TBC1D5: variants seen among roughly 807,000 people sequenced by gnomAD.
The protein encoded by TBC1D5 is TBC1 domain family member 5, also known as TBC1 domain family, member 5.
In TBC1D5, 75 loss-of-function variants were observed where a neutral mutation model predicts 100.3. That is an observed-to-expected ratio of 0.75 (90% CI 0.62 to 0.91). TBC1D5 has a LOEUF of 0.91. TBC1D5 is among the 40% of genes least tolerant of loss of function. The probability of loss-of-function intolerance (pLI) is 0.00; values close to 1 mark genes in which losing one functional copy is unlikely to be tolerated. For synonymous variants in TBC1D5, 323 were observed against 325.6 expected (o/e 0.99, Z 0.09); for missense variants, 910 against 942.4 (o/e 0.97, Z 0.45).
At chr3:17,345,734 G>A (rs1464957186) in intron 13 of TBC1D5, among the ~76,000 whole-genome samples, 5 of 152,254 alleles carry the variant, frequency 3.3e-5, no homozygotes, top group Admixed American at 2.6e-4. Context: ...GGAATACTAT[G>A]CAGCCATAAA....
At chr3:17,663,453 A>C (rs1180187041) in intron 1 of TBC1D5, among the ~76,000 whole-genome samples, 1 of 152,124 alleles carries the variant, frequency 6.6e-6, no homozygotes, top group African/African-American at 2.4e-5. Context: ...TGGTATTAAG[A>C]AGTGAATTAT....
chr3:17,262,805 C>T (rs538081367), intron 15 of TBC1D5, among the ~76,000 whole-genome samples: 10 of 151,552 alleles, frequency 6.6e-5, no homozygotes, highest in East Asian at 5.8e-4. Flanking sequence ...TTTTTAAATG[C>T]GTTTGTTTTG....
intron 3 of TBC1D5, among the ~76,000 whole-genome samples, chr3:17,473,826 C>G (rs1296642879): frequency 3.3e-5 from 5 of 151,456 alleles, no homozygotes; most frequent in Admixed American, 1.3e-4. Flanking sequence ...TGAATTTCTA[C>G]TTATAATTAC....
intron 3 of TBC1D5, among the ~76,000 whole-genome samples, chr3:17,447,070 C>A (rs1184221357): frequency 1.3e-5 from 2 of 151,794 alleles, no homozygotes; most frequent in Admixed American, 1.3e-4. Flanking sequence ...AGGAGGAAGT[C>A]AAGAATTTAG....
In TBC1D5 at chr3:17,337,123, G is replaced by GTTTTTTTTTTTTTTTTTTT. The variant is rs11328091; in HGVS notation, c.996-29008_996-28990dup. Among the ~76,000 whole-genome samples the GTTTTTTTTTTTTTTTTTTT allele has an allele frequency of 4.3e-4, 50 of 116,128 alleles. 2 individuals are homozygous for GTTTTTTTTTTTTTTTTTTT. Among genetic ancestry groups the GTTTTTTTTTTTTTTTTTTT allele is most frequent in the African/African-American group, 1.7e-3 (47 of 28,458 alleles). 76.2% of individuals were successfully genotyped at this position (116,128 alleles called of 152,430 possible). On this transcript the variant is annotated intron_variant, in intron 13 of 21. Coordinates refer to ENST00000253692, the Ensembl canonical transcript of TBC1D5. Reference sequence around the variant, plus strand: ...AGCTTGCACCAAAATTATCTGAGAGGTTTTTTTTTTTTTTTTTTTTTTAAG... The same window carrying GTTTTTTTTTTTTTTTTTTT: ...AGCTTGCACCAAAATTATCTGAGAGGTTTTTTTTTTTTTTTTTTTTTTTTTTTTTTTTTTTTTTTTTAAG...
intron 2 of TBC1D5, among the ~76,000 whole-genome samples, chr3:17,544,116 C>A (rs917515925): frequency 6.6e-5 from 10 of 152,122 alleles, no homozygotes; most frequent in African/African-American, 1.7e-4. Context: ...GATCCGCCTA[C>A]CTCAGCCTCC....
At chr3:17,600,026 C>T (rs1017256618) in intron 2 of TBC1D5, among the ~76,000 whole-genome samples, 2 of 152,136 alleles carry the variant, frequency 1.3e-5, no homozygotes, top group African/African-American at 2.4e-5. Flanking sequence ...ACTTTTATAA[C>T]GGTAAATAAT....
At position 17,362,928 on chromosome 3, in the gene TBC1D5, C is replaced by T. The variant is rs918345619; in HGVS notation, c.995+9147G>A. On this transcript the variant is annotated intron_variant, in intron 13 of 21. Coordinates refer to ENST00000253692, the Ensembl canonical transcript of TBC1D5. Reference sequence around the variant, plus strand: ...CCAATGTCACTACCATGATATGTTCCATTACCATAAAGATCCTTTCCATGC... The same window carrying T: ...CCAATGTCACTACCATGATATGTTCTATTACCATAAAGATCCTTTCCATGC... Among the ~76,000 whole-genome samples, 3 of 152,130 alleles carry T rather than the reference C, an allele frequency of 2.0e-5. No homozygotes were observed. In the South Asian group the frequency reaches 6.2e-4, roughly 32 times the overall value.
At position 17,570,003 on chromosome 3, in the gene TBC1D5, GT is replaced by G. The variant is rs200317450; in HGVS notation, c.-36+53845del. Among the ~76,000 whole-genome samples the G allele has an allele frequency of 6.6e-5, 10 of 151,892 alleles. No individual in the cohort carries two copies. In the East Asian group the frequency reaches 1.9e-3, roughly 29 times the overall value. ...ATATTTTAAAAGGTACATCAAAAGTGTTTTTTACAGGTACTAGAAAGTCAGA... is the reference window on the plus strand; with the variant it reads ...ATATTTTAAAAGGTACATCAAAAGTGTTTTTACAGGTACTAGAAAGTCAGA... On this transcript the variant is annotated intron_variant, in intron 2 of 21. Coordinates refer to ENST00000253692, the Ensembl canonical transcript of TBC1D5.
At chr3:17,306,022 G>A (rs147376565) in intron 14 of TBC1D5, among the ~76,000 whole-genome samples, 66 of 152,274 alleles carry the variant, frequency 4.3e-4, no homozygotes, top group African/African-American at 1.5e-3. Flanking sequence ...CTCATAACCT[G>A]CGGCTAGTCT....
At chr3:17,697,773 A>G (rs1050856067) in intron 1 of TBC1D5, among the ~76,000 whole-genome samples, 3 of 151,774 alleles carry the variant, frequency 2.0e-5, no homozygotes, top group African/African-American at 7.3e-5. Flanking sequence ...TTCATGTGGA[A>G]CCAAAACAGA....
At chr3:17,234,462 C>T (rs1167099234) in intron 17 of TBC1D5, among the ~76,000 whole-genome samples, 1 of 148,276 alleles carries the variant, frequency 6.7e-6, no homozygotes, top group Non-Finnish European at 1.5e-5. Flanking sequence ...ATTTTAAGAA[C>T]ATAAGAAAGG....
chr3:17,660,262 T>G (rs1250123124), intron 1 of TBC1D5, among the ~76,000 whole-genome samples: 2 of 152,176 alleles, frequency 1.3e-5, no homozygotes, highest in Non-Finnish European at 2.9e-5. Context: ...AAAATCTTGA[T>G]CAAGGAGTGG....
chr3:17,368,045 T>A, intron 13 of TBC1D5, among the ~76,000 whole-genome samples: 1 of 152,220 alleles, frequency 6.6e-6, no homozygotes, highest in Non-Finnish European at 1.5e-5. Flanking sequence ...TTATTTAACC[T>A]AAAATACAGG....
At chr3:17,734,993 C>T (rs1295072723) in intron 1 of TBC1D5, among the ~76,000 whole-genome samples, 2 of 151,828 alleles carry the variant, frequency 1.3e-5, no homozygotes, top group Non-Finnish European at 2.9e-5. Context: ...CTCAGAAGGC[C>T]GAGGTGGAAG....
chr3:17,216,482 C>G (rs906479702), intron 17 of TBC1D5, among the ~76,000 whole-genome samples: 8 of 152,110 alleles, frequency 5.3e-5, no homozygotes, highest in Non-Finnish European at 8.8e-5. Flanking sequence ...TTCTGTACTT[C>G]TATCAGGGTC....
At chr3:17,645,759 A>G (rs1012759065) in intron 1 of TBC1D5, among the ~76,000 whole-genome samples, 4 of 152,110 alleles carry the variant, frequency 2.6e-5, no homozygotes, top group African/African-American at 9.7e-5. Context: ...CTCCAAATTC[A>G]GCATGCTTAC....
At chr3:17,670,029 G>A (rs1251769830) in intron 1 of TBC1D5, among the ~76,000 whole-genome samples, 3 of 152,158 alleles carry the variant, frequency 2.0e-5, no homozygotes, top group African/African-American at 4.8e-5. Flanking sequence ...GGGATTACAG[G>A]CGCACGCCGC....
chr3:17,331,773 G>A (rs1317167913), intron 13 of TBC1D5, among the ~76,000 whole-genome samples: 1 of 152,200 alleles, frequency 6.6e-6, no homozygotes, highest in Non-Finnish European at 1.5e-5. Context: ...AACAAGCCAT[G>A]GGAACATCTT....
Sources: allele counts gnomAD v4.1 joint callset (sites outside exome capture counted in the v4.1 genomes callset), GRCh38; gene constraint gnomAD v4.1.1; transcripts MANE v1.5; gene names NCBI Gene and HGNC (gene_info 2026-07-23, HGNC 2026-07-21).